Variants in COLQ observed in about 807,000 individuals in gnomAD.
COLQ encodes acetylcholinesterase collagenic tail peptide.
Under a neutral mutation model 69.0 loss-of-function variants are expected in COLQ, and 48 were observed. That is an observed-to-expected ratio of 0.70 (90% CI 0.55 to 0.88). The LOEUF (loss-of-function observed/expected upper bound fraction) is 0.88. Ranked by LOEUF, COLQ falls within the 40% of genes least tolerant of loss-of-function variation. The pLI is 0.00. For missense variants in COLQ, 618 were observed against 594.6 expected (o/e 1.04, Z -0.41); for synonymous variants, 217 against 211.2 (o/e 1.03, Z -0.24).
intron 1 of COLQ, among the ~76,000 whole-genome samples, chr3:15,490,842 T>C (rs760387558): frequency 6.6e-6 from 1 of 152,236 alleles, no homozygotes. Flanking sequence ...AAGCTGAACA[T>C]AGACATATAC....
intron 1 of COLQ, among the ~76,000 whole-genome samples, chr3:15,501,200 C>CA (rs2062824711): frequency 6.6e-6 from 1 of 152,208 alleles, no homozygotes; most frequent in African/African-American, 2.4e-5. Flanking sequence ...GTGTCACATT[C>CA]ACAGTATTTT....
intron 1 of COLQ, among the ~76,000 whole-genome samples, chr3:15,499,025 C>G (rs1376950310): frequency 6.6e-6 from 1 of 151,764 alleles, no homozygotes; most frequent in Non-Finnish European, 1.5e-5. Context: ...AGTCAACCCC[C>G]CACCGAGACC....
intron 3 of COLQ, among the ~76,000 whole-genome samples, chr3:15,483,868 A>T (rs986078939): frequency 6.6e-6 from 1 of 152,150 alleles, no homozygotes; most frequent in African/African-American, 2.4e-5. Context: ...GTAGGTCTCT[A>T]AGGACCTGCT....
intron 11 of COLQ, among the ~76,000 whole-genome samples, chr3:15,468,060 A>C (rs2062226732): frequency 6.6e-6 from 1 of 152,204 alleles, no homozygotes; most frequent in Non-Finnish European, 1.5e-5. Flanking sequence ...ATATAGCCAC[A>C]GTTCAGTCTT....
intron 12 of COLQ, among the ~76,000 whole-genome samples, chr3:15,461,189 T>TCCCCGCCCCCCC (rs549486422): frequency 1.4e-5 from 2 of 144,170 alleles, no homozygotes; most frequent in Non-Finnish European, 3.0e-5. Context: ...TTGCCTTTAT[T>TCCCCGCCCCCCC]CCCCCCCCGA....
At chr3:15,484,068 T>G (rs1478389599) in intron 3 of COLQ, among the ~76,000 whole-genome samples, 2 of 152,180 alleles carry the variant, frequency 1.3e-5, no homozygotes, top group African/African-American at 2.4e-5. Context: ...ATTTGCTTGG[T>G]AGATTTTCCT....
intron 5 of COLQ, 189 bp from the exon 6 acceptor site, chr3:15,477,386 A>G: frequency 3.4e-6 from 2 of 595,422 alleles, no homozygotes; most frequent in Non-Finnish European, 6.0e-6. Context: ...ATCAAATAAG[A>G]CCTTATTCTT....
At position 15,455,901 on chromosome 3, in the gene COLQ, A is replaced by G; in HGVS notation, c.1193T>C (p.Ile398Thr). 6.2e-7 allele frequency: 1 copy of G among 1,614,000 alleles called. No homozygotes were observed. The highest frequency in any genetic ancestry group is 8.5e-7 in the Non-Finnish European group (1 of 1,179,960). The change falls in exon 15 of 17, where the codon ATC becomes ACC. Residue 398 changes from isoleucine to threonine, a missense_variant and splice_region_variant. By Grantham distance (89) the Ile-to-Thr change is moderately conservative (BLOSUM62 -1). Transcript: ENST00000383788. Reference protein sequence around the residue: ...DGNSDVGDDCIRCHRAYCGDG... With the variant: ...DGNSDVGDDCTRCHRAYCGDG... ...CTCCTGGTCTGGGCCTCACTCACGG[A>G]TGCAGTCGTCACCCACATCGCTGTT...
chr3:15,470,689 A>G (rs2062268464), intron 10 of COLQ, 73 bp from the exon 11 acceptor site: 2 of 1,383,218 alleles, frequency 1.4e-6, no homozygotes, highest in African/African-American at 2.8e-5. Flanking sequence ...AGGTCTAGCC[A>G]GTCATTGGCT....
intron 12 of COLQ, among the ~76,000 whole-genome samples, chr3:15,463,555 C>T (rs914060339): frequency 6.6e-6 from 1 of 151,916 alleles, no homozygotes; most frequent in Non-Finnish European, 1.5e-5. Context: ...ACTGTGTTAG[C>T]CAGGATGGTC....
In COLQ at chr3:15,474,230, T is replaced by C. The variant is rs760952573; in HGVS notation, c.598A>G (p.Lys200Glu). Reference protein sequence around the residue: ...EKGDLGPKGEKGFPGFPGMLG... With the variant: ...EKGDLGPKGEEGFPGFPGMLG... ...TATGGAAAGGTTTTCTCCATTACCTTTTCTCCTTTGGGACCCAGGTCACCC... is the reference window on the plus strand; with the variant it reads ...TATGGAAAGGTTTTCTCCATTACCTCTTCTCCTTTGGGACCCAGGTCACCC... Residue 200 changes from lysine (K) to glutamate (E), a missense_variant and splice_region_variant, in exon 9 of 17, where the codon AAG becomes GAG. By Grantham distance (56) the Lys-to-Glu change is moderately conservative (BLOSUM62 1). Coordinates refer to ENST00000383788, the MANE Select transcript of COLQ (RefSeq NM_005677.4). The C allele has an allele frequency of 1.2e-6, 2 of 1,614,120 alleles. No homozygotes were observed. Among genetic ancestry groups the C allele is most frequent in the East Asian group, 2.2e-5 (1 of 44,882 alleles).
At chr3:15,511,910 G>A (rs186828304) in intron 1 of COLQ, among the ~76,000 whole-genome samples, 13 of 152,280 alleles carry the variant, frequency 8.5e-5, no homozygotes, top group Admixed American at 8.5e-4. Context: ...CTCATACGGG[G>A]GACAAGTCCA....
intron 3 of COLQ, among the ~76,000 whole-genome samples, chr3:15,482,913 T>G (rs1028833289): frequency 6.6e-6 from 1 of 152,208 alleles, no homozygotes; most frequent in Non-Finnish European, 1.5e-5. Flanking sequence ...ATTCAGGGAT[T>G]CAGCTTCTTC....
intron 7 of COLQ, 108 bp from the exon 8 acceptor site, chr3:15,475,059 T>C (rs1422396569): frequency 3.2e-6 from 4 of 1,232,340 alleles, no homozygotes; most frequent in Non-Finnish European, 4.8e-6. Flanking sequence ...GTCTCCACAT[T>C]GCACTGTGAG....
At chr3:15,464,770 A>G (rs563650542) in intron 12 of COLQ, among the ~76,000 whole-genome samples, 3 of 152,214 alleles carry the variant, frequency 2.0e-5, no homozygotes, top group Non-Finnish European at 4.4e-5. Context: ...GCAGTCAACA[A>G]ATGATCTTCT....
At chr3:15,501,920 TTACAA>T (rs1375464022) in intron 1 of COLQ, among the ~76,000 whole-genome samples, 1 of 152,222 alleles carries the variant, frequency 6.6e-6, no homozygotes, top group East Asian at 1.9e-4. Flanking sequence ...CTGTGTCCTA[TTACAA>T]TAGTCTTTAA....
chr3:15,480,312 C>T (rs1248019511), intron 3 of COLQ, among the ~76,000 whole-genome samples: 1 of 152,094 alleles, frequency 6.6e-6, no homozygotes. Flanking sequence ...GGTATATCTC[C>T]TAATGCTATC....
At chr3:15,487,115 A>T (rs914948919) in intron 3 of COLQ, among the ~76,000 whole-genome samples, 4 of 152,232 alleles carry the variant, frequency 2.6e-5, no homozygotes, top group Admixed American at 2.6e-4. Flanking sequence ...AATCATGCAG[A>T]GAATTAAAGT....
chr3:15,465,610 CT>C (rs71045163), intron 12 of COLQ, among the ~76,000 whole-genome samples: 103 of 94,748 alleles, frequency 1.1e-3, no homozygotes, highest in East Asian at 7.6e-3. Flanking sequence ...CTTTCTACAT[CT>C]TTTTTTTTTT....
Sources: allele counts gnomAD v4.1 joint callset (sites outside exome capture counted in the v4.1 genomes callset), GRCh38; gene constraint gnomAD v4.1.1; transcripts MANE v1.5; gene names NCBI Gene and HGNC (gene_info 2026-07-23, HGNC 2026-07-21).